UGT2B15: variants seen among roughly 807,000 people sequenced by gnomAD.
The protein encoded by UGT2B15 is UDP-glucuronosyltransferase 2B15.
UGT2B15 carries 36 observed loss-of-function variants against 45.9 expected under a neutral mutation model. The observed-to-expected ratio is 0.78, with a 90% confidence interval of 0.60 to 1.04. UGT2B15 has a LOEUF of 1.04. Among genes scored for constraint, UGT2B15 ranks in the 50% least tolerant of loss-of-function variants. UGT2B15 has a pLI of 0.00. For synonymous variants in UGT2B15, 219 were observed against 216.4 expected (o/e 1.01, Z -0.11); for missense variants, 617 against 622.4 (o/e 0.99, Z 0.09).
Position 68,670,037 on chromosome 4 carries a change from A to G in UGT2B15, c.582T>C (p.Tyr194=). 1 of 1,614,072 alleles carries G rather than the reference A, an allele frequency of 6.2e-7. No individual in the cohort carries two copies. Among genetic ancestry groups the G allele is most frequent in the Non-Finnish European group, 8.5e-7 (1 of 1,179,954 alleles). ...TTAATTCTGACATAACAACAGGTAC[A>G]TAGGAAGGAGGGAACAGAAATCCTC... The part of the protein sequence containing the change: ...NGGGFLFPPS[Y]VPVVMSELSD... The change falls in exon 1 of 6, where the codon TAT becomes TAC. Residue 194 remains tyrosine, a synonymous_variant. Transcript: ENST00000338206.
At chr4:68,661,213 T>A (rs1260048695) in intron 3 of UGT2B15, among the ~76,000 whole-genome samples, 1 of 152,026 alleles carries the variant, frequency 6.6e-6, no homozygotes, top group African/African-American at 2.4e-5. Context: ...AGCAAATCAC[T>A]GCCTCCCATT....
intron 5 of UGT2B15, among the ~76,000 whole-genome samples, chr4:68,651,102 G>T (rs1732641472): frequency 6.8e-6 from 1 of 147,082 alleles, no homozygotes. Context: ...TCTGTAGGTT[G>T]CCTGTTCCCT....
At chr4:68,663,950 T>C (rs907286223) in intron 2 of UGT2B15, among the ~76,000 whole-genome samples, 37 of 152,102 alleles carry the variant, frequency 2.4e-4, no homozygotes, top group Non-Finnish European at 3.4e-4. Flanking sequence ...TAGGTATGAC[T>C]ATGACACCTT....
intron 5 of UGT2B15, among the ~76,000 whole-genome samples, chr4:68,652,707 C>T (rs1204705697): frequency 8.1e-6 from 1 of 123,310 alleles, no homozygotes; most frequent in Non-Finnish European, 1.9e-5. Context: ...CAAAAGGCAT[C>T]TTCCAAAAAG....
intron 5 of UGT2B15, among the ~76,000 whole-genome samples, chr4:68,651,502 T>A (rs1297099770): frequency 6.6e-6 from 1 of 152,092 alleles, no homozygotes; most frequent in Non-Finnish European, 1.5e-5. Flanking sequence ...TCTGTTCCAC[T>A]GGTCTATATG....
At chr4:68,652,959 T>C (rs766758581) in intron 5 of UGT2B15, among the ~76,000 whole-genome samples, 1 of 151,964 alleles carries the variant, frequency 6.6e-6, no homozygotes, top group Non-Finnish European at 1.5e-5. Context: ...AAAACCATAA[T>C]GAGAGACCAC....
intron 2 of UGT2B15, 56 bp downstream of exon 2, chr4:68,667,984 T>A (rs2045100): frequency 0.18 from 292,809 of 1,598,726 alleles, 30,635 homozygotes; most frequent in Admixed American, 0.39. Context: ...AAGAAACATA[T>A]CCAGCCATTC....
Position 68,647,071 on chromosome 4 carries a change from T to C in UGT2B15, c.*33A>G, listed in dbSNP as rs1388339732. ...GCTGAAATAAAGGAGGAGTCCCATC[T>C]TTCAGTCATTCCACTTCAGGCTTTT... is the stretch of plus-strand genomic sequence containing the variant. On this transcript the variant is annotated 3_prime_UTR_variant, in exon 6 of 6. Coordinates refer to ENST00000338206, the MANE Select transcript of UGT2B15 (RefSeq NM_001076.4). 2 of 1,588,030 alleles carry C rather than the reference T, an allele frequency of 1.3e-6. No homozygotes were observed.
At position 68,655,141 on chromosome 4, in the gene UGT2B15, A is replaced by G. The variant is rs537260457; in HGVS notation, c.1047T>C (p.Gly349=). ...ACCACTTGTACAGTCGAGTATTGGA[A>G]CCTAAAGTATTTGGCTTCTTGCCAT... ...RFDGKKPNTL[G]SNTRLYKWLP... is the part of the protein sequence containing the mutation. The change falls in exon 4 of 6, where the codon GGT becomes GGC. Residue 349 remains glycine, a synonymous_variant. Transcript: ENST00000338206. 2.6e-5 allele frequency: 42 copies of G among 1,613,442 alleles called. No individual in the cohort carries two copies. The Middle Eastern group carries it at 5.0e-4, about 19-fold the overall frequency.
intron 3 of UGT2B15, among the ~76,000 whole-genome samples, chr4:68,657,708 C>CT (rs771917692): frequency 4.5e-4 from 69 of 151,954 alleles, no homozygotes; most frequent in Middle Eastern, 3.4e-3. Flanking sequence ...TAAGTTCTCT[C>CT]TTTTTAAAAA....
intron 5 of UGT2B15, among the ~76,000 whole-genome samples, chr4:68,651,567 G>A (rs6832132): frequency 0.021 from 3,121 of 151,950 alleles, 126 homozygotes; most frequent in African/African-American, 0.072. Context: ...GTAAGGAAGG[G>A]ATCCAGTGGC....
intron 5 of UGT2B15, among the ~76,000 whole-genome samples, chr4:68,651,592 G>A (rs1467311501): frequency 6.6e-6 from 1 of 151,894 alleles, no homozygotes; most frequent in East Asian, 1.9e-4. Context: ...TTCTCCATAT[G>A]GCTAGCCAGT....
chr4:68,654,745 G>A (rs1732754348), intron 4 of UGT2B15, among the ~76,000 whole-genome samples: 1 of 151,830 alleles, frequency 6.6e-6, no homozygotes, highest in Admixed American at 6.6e-5. Context: ...CTATTTTTCA[G>A]TGCCTGTTGA....
In UGT2B15 at chr4:68,647,217, C is replaced by T; in HGVS notation, c.1480G>A (p.Val494Met). ...ACGCAGGCCAGCAGGAATGCTATCACATCCAAAGAGTGGTACTGGATCCAG... is the reference window on the plus strand; with the variant it reads ...ACGCAGGCCAGCAGGAATGCTATCATATCCAAAGAGTGGTACTGGATCCAG... ...LTWIQYHSLD[V>M]IAFLLACVAT... is the part of the protein sequence containing the mutation. The change falls in exon 6 of 6, where the codon GTG becomes ATG. Residue 494 changes from valine (V) to methionine (M), a missense_variant. Transcript: ENST00000338206. 1 of 1,613,984 alleles carries T rather than the reference C, an allele frequency of 6.2e-7. No individual in the cohort carries two copies. The highest frequency in any genetic ancestry group is 8.5e-7 in the Non-Finnish European group (1 of 1,179,942).
At chr4:68,661,549 A>C (rs1234592805) in intron 3 of UGT2B15, among the ~76,000 whole-genome samples, 1 of 152,066 alleles carries the variant, frequency 6.6e-6, no homozygotes, top group African/African-American at 2.4e-5. Context: ...TTTGAGTGAT[A>C]TGAGAAGAGT....
chr4:68,669,911 A>C lies in UGT2B15; in HGVS notation c.708T>G (p.Phe236Leu). The change falls in exon 1 of 6, where the codon TTT becomes TTG. Residue 236 changes from phenylalanine (F) to leucine (L), a missense_variant. Physicochemically the swap from Phe to Leu is conservative, Grantham distance 22. Around this residue, in one of 3 missense-constraint regions of UGT2B15, gnomAD observed 351 missense variants for 342.1 expected, o/e 1.03. Transcript: ENST00000338206. Reference protein sequence around the residue: ...QIYDLKKWDQFYSEVLGRPTT... With the variant: ...QIYDLKKWDQLYSEVLGRPTT... ...ATGACTTACCTAGAACTTCACTATA[A>C]AACTGGTCCCACTTCTTCAGATCAT... 1 of 1,610,960 alleles carries C rather than the reference A, an allele frequency of 6.2e-7. No individual in the cohort carries two copies. Among genetic ancestry groups the C allele is most frequent in the Non-Finnish European group, 8.5e-7 (1 of 1,179,248 alleles).
rs182410549 is a variant in UGT2B15, at chr4:68,649,942, C to A, written c.1314-2559G>T. On this transcript the variant is annotated intron_variant, in intron 5 of 5. Transcript: ENST00000338206. ...CCGTCTCCCGGGTTCAAGTGATTCT[C>A]CTGCCTCAACCTCCTGAGTAGCTGG... 3.6e-3 allele frequency among the ~76,000 whole-genome samples: 541 copies of A among 151,834 alleles called. 5 individuals are homozygous for A. The highest frequency in any genetic ancestry group is 5.4e-3 in the Non-Finnish European group (364 of 67,910).
chr4:68,663,291 A>T (rs1733019081), intron 2 of UGT2B15, 152 bp from the exon 3 acceptor site: 1 of 526,060 alleles, frequency 1.9e-6, no homozygotes, highest in Non-Finnish European at 3.4e-6. Context: ...TTGAAAGGAG[A>T]TGTGTAATAT....
intron 2 of UGT2B15, among the ~76,000 whole-genome samples, chr4:68,665,967 G>A (rs1242090161): frequency 7.9e-5 from 12 of 152,054 alleles, no homozygotes; most frequent in African/African-American, 2.9e-4. Flanking sequence ...GAATCAGATC[G>A]CTTGAACCTG....
Sources: gnomAD v4.1 joint callset for allele counts (sites outside exome capture counted in the v4.1 genomes callset) on GRCh38, gnomAD v4.1.1 for gene constraint, gnomAD v4.1.1 regional missense constraint, MANE v1.5 for transcripts, NCBI Gene and HGNC (gene_info 2026-07-23, HGNC 2026-07-21) for gene names.